SCFD2: variants seen among roughly 807,000 people sequenced by gnomAD.
SCFD2 encodes sec1 family domain containing 2, also known as sec1 family domain-containing protein 2.
Under a neutral mutation model 58.9 loss-of-function variants are expected in SCFD2, and 54 were observed. The observed-to-expected ratio is 0.92, with a 90% CI of 0.74 to 1.15. The LOEUF is 1.15. SCFD2 is among the 50% of genes most tolerant of loss of function. The pLI, the probability that SCFD2 is intolerant of heterozygous loss-of-function variation, is 0.00. For synonymous variants in SCFD2, 321 were observed against 335.9 expected (o/e 0.96, Z 0.49); for missense variants, 805 against 836.6 (o/e 0.96, Z 0.47).
At chr4:53,110,079 A>C (rs1286114030) in intron 5 of SCFD2, among the ~76,000 whole-genome samples, 1 of 149,134 alleles carries the variant, frequency 6.7e-6, no homozygotes, top group Admixed American at 6.6e-5. Flanking sequence ...GGCCTCAGAA[A>C]TAACACGACA....
At chr4:52,932,211 T>C (rs1375135128) in intron 5 of SCFD2, among the ~76,000 whole-genome samples, 1 of 152,250 alleles carries the variant, frequency 6.6e-6, no homozygotes. Context: ...GTGGGAGTCA[T>C]ATGGTGACAC....
At chr4:52,981,737 G>A (rs2109568038) in intron 5 of SCFD2, among the ~76,000 whole-genome samples, 1 of 152,276 alleles carries the variant, frequency 6.6e-6, no homozygotes, top group East Asian at 1.9e-4. Flanking sequence ...GGTGAGCCAG[G>A]AGAGACGGTC....
chr4:53,147,184 A>T (rs1339987720), intron 4 of SCFD2, among the ~76,000 whole-genome samples: 1 of 152,246 alleles, frequency 6.6e-6, no homozygotes, highest in African/African-American at 2.4e-5. Flanking sequence ...TCAAAGAAGA[A>T]AAGCTTTATT....
rs559082794 is a variant in SCFD2 at position 53,027,556 on chromosome 4, G to A, written c.1562-106686C>T. ...ATTTAATAAAAAGTAGGCTGGTAGC[G>A]GTGGCTCATGCCTGTAATTCCAGCA... On this transcript the variant is annotated intron_variant, in intron 5 of 8. Transcript: ENST00000401642. Among the ~76,000 whole-genome samples the A allele has an allele frequency of 1.3e-3, 199 of 152,348 alleles. 2 individuals carry two copies. Among genetic ancestry groups the A allele is most frequent in the African/African-American group, 3.7e-3 (152 of 41,566 alleles).
intron 3 of SCFD2, among the ~76,000 whole-genome samples, chr4:53,278,443 G>A (rs1731403248): frequency 6.6e-6 from 1 of 151,686 alleles, no homozygotes; most frequent in Non-Finnish European, 1.5e-5. Flanking sequence ...TCAGGCAGCT[G>A]AGGCAGGAGA....
At chr4:53,041,428 T>C (rs1209362713) in intron 5 of SCFD2, among the ~76,000 whole-genome samples, 1 of 152,210 alleles carries the variant, frequency 6.6e-6, no homozygotes, top group Admixed American at 6.5e-5. Context: ...TAACTACCAT[T>C]CTATTCAAAA....
At chr4:53,303,693 G>C (rs1459838553) in intron 3 of SCFD2, among the ~76,000 whole-genome samples, 1 of 151,958 alleles carries the variant, frequency 6.6e-6, no homozygotes, top group Admixed American at 6.6e-5. Flanking sequence ...CAAAGACTTG[G>C]AACCAACCCA....
chr4:53,097,652 T>C (rs1464758981), intron 5 of SCFD2, among the ~76,000 whole-genome samples: 1 of 152,184 alleles, frequency 6.6e-6, no homozygotes, highest in Non-Finnish European at 1.5e-5. Context: ...ACAATCATGT[T>C]GTCTGCAAAG....
At chr4:52,993,130 C>T (rs1007343633) in intron 5 of SCFD2, among the ~76,000 whole-genome samples, 3 of 151,300 alleles carry the variant, frequency 2.0e-5, no homozygotes, top group Non-Finnish European at 4.4e-5. Context: ...GTGCTGTGTC[C>T]ACTCAGGGTT....
chr4:52,905,687 G>C (rs1719331202), intron 7 of SCFD2, among the ~76,000 whole-genome samples: 1 of 152,218 alleles, frequency 6.6e-6, no homozygotes, highest in Admixed American at 6.5e-5. Context: ...CAACAGCCCA[G>C]TGCTGCCCAG....
At chr4:53,069,769 A>G (rs1723765824) in intron 5 of SCFD2, among the ~76,000 whole-genome samples, 1 of 152,044 alleles carries the variant, frequency 6.6e-6, no homozygotes, top group Non-Finnish European at 1.5e-5. Context: ...ATCCCAAAAT[A>G]GCTGCTACTA....
At chr4:52,954,856 T>G (rs1252988303) in intron 5 of SCFD2, among the ~76,000 whole-genome samples, 1 of 152,172 alleles carries the variant, frequency 6.6e-6, no homozygotes, top group Non-Finnish European at 1.5e-5. Context: ...AAAAGAGACA[T>G]GGAAGAGGCT....
At chr4:53,221,637 G>A (rs996593023) in intron 4 of SCFD2, among the ~76,000 whole-genome samples, 1 of 152,168 alleles carries the variant, frequency 6.6e-6, no homozygotes, top group African/African-American at 2.4e-5. Flanking sequence ...GAATATGATT[G>A]CTTGCTTACT....
intron 3 of SCFD2, among the ~76,000 whole-genome samples, chr4:53,300,971 G>A (rs1732260243): frequency 6.6e-6 from 1 of 152,152 alleles, no homozygotes; most frequent in Non-Finnish European, 1.5e-5. Context: ...GAAATTTATA[G>A]CACTAAATGC....
chr4:53,158,238 C>T (rs1726748177), intron 4 of SCFD2, among the ~76,000 whole-genome samples: 1 of 152,136 alleles, frequency 6.6e-6, no homozygotes, highest in Admixed American at 6.5e-5. Context: ...CTGTTCGAGT[C>T]CCTATATCAC....
chr4:52,975,963 A>T (rs1721250116), intron 5 of SCFD2, among the ~76,000 whole-genome samples: 1 of 145,882 alleles, frequency 6.9e-6, no homozygotes, highest in African/African-American at 2.5e-5. Flanking sequence ...CATAGGTGGG[A>T]ATTGAACAAT....
intron 5 of SCFD2, among the ~76,000 whole-genome samples, chr4:53,052,074 T>G (rs1560314838): frequency 6.6e-6 from 1 of 152,176 alleles, no homozygotes; most frequent in Non-Finnish European, 1.5e-5. Flanking sequence ...TATGACATTA[T>G]TCCCCTTCTT....
At chr4:53,127,727 C>T (rs978346836) in intron 5 of SCFD2, among the ~76,000 whole-genome samples, 1 of 152,036 alleles carries the variant, frequency 6.6e-6, no homozygotes, top group African/African-American at 2.4e-5. Context: ...TAAGGAACTG[C>T]AAGGCCTGTG....
chr4:52,982,186 A>C (rs577498017), intron 5 of SCFD2, among the ~76,000 whole-genome samples: 1 of 152,204 alleles, frequency 6.6e-6, no homozygotes. Flanking sequence ...TGGAGGCTGC[A>C]CTGCATGGTG....
Sources: gnomAD v4.1 joint callset for allele counts (sites outside exome capture counted in the v4.1 genomes callset) on GRCh38, gnomAD v4.1.1 for gene constraint, MANE v1.5 for transcripts, NCBI Gene and HGNC (gene_info 2026-07-23, HGNC 2026-07-21) for gene names.